UBE4A: variants seen among roughly 807,000 people sequenced by gnomAD.
UBE4A encodes ubiquitination factor E4A.
In UBE4A, 48 loss-of-function variants were observed where a neutral mutation model predicts 117.9. That is an observed-to-expected ratio of 0.41 (90% CI 0.32 to 0.52). UBE4A has a LOEUF of 0.52. UBE4A is among the 20% of genes least tolerant of loss of function. The pLI is 0.33. For synonymous variants in UBE4A, 407 were observed against 450.0 expected, an observed-to-expected ratio of 0.90 and a Z score of 1.21; for missense variants, 1,067 against 1,296.3, an observed-to-expected ratio of 0.82 and a Z score of 2.72.
At position 118,369,522 on chromosome 11, in the gene UBE4A, G is replaced by A. The variant is rs1388087322; in HGVS notation, c.395G>A (p.Ser132Asn). The A allele has an allele frequency of 1.1e-5, 17 of 1,613,644 alleles. No individual in the cohort carries two copies. Among genetic ancestry groups the A allele is most frequent in the Non-Finnish European group, 4.2e-6 (5 of 1,179,686 alleles). Residue 132 changes from serine to asparagine, a missense_variant, in exon 4 of 20, where the codon AGC (serine) becomes AAC (asparagine). Physicochemically the swap from Ser to Asn is conservative, Grantham distance 46 (BLOSUM62 1). Transcript: ENST00000252108. Reference sequence around the variant, plus strand: ...GAAGATCAAGACTGGCTTGATATGAGCAATGTTGAGCAGGTAATATTCTTA... The same window carrying A: ...GAAGATCAAGACTGGCTTGATATGAACAATGTTGAGCAGGTAATATTCTTA... Reference protein sequence around the residue: ...ELEDQDWLDMSNVEQALFARL... With the variant: ...ELEDQDWLDMNNVEQALFARL...
rs1948892143 is a variant in UBE4A, at chr11:118,398,136, A to G, written c.*1696A>G. The stretch of plus-strand genomic sequence containing the variant: ...TCTGCCTATTTGCATTTATCTTCCA[A>G]ACCCAATCTAGTAGGATGTTCTCAT... On this transcript the variant is annotated 3_prime_UTR_variant, in exon 20 of 20. Transcript: ENST00000252108. The G allele has an allele frequency of 6.6e-6, 1 of 152,596 alleles. No individual in the cohort carries two copies. Among genetic ancestry groups the G allele is most frequent in the Non-Finnish European group, 1.5e-5 (1 of 68,020 alleles). The allele number at this position is 152,596 out of a possible 1,614,324, so 9.5% of individuals were successfully genotyped here.
intron 10 of UBE4A, among the ~76,000 whole-genome samples, chr11:118,377,943 C>T (rs545835261): frequency 1.3e-5 from 2 of 149,656 alleles, no homozygotes; most frequent in African/African-American, 4.9e-5. Flanking sequence ...CATTACTACT[C>T]CTGGTGATAA....
intron 16 of UBE4A, 57 bp downstream of exon 16, chr11:118,386,669 C>T: frequency 2.7e-6 from 4 of 1,466,748 alleles, no homozygotes; most frequent in Non-Finnish European, 3.6e-6. Context: ...ATCAGCTTCA[C>T]TTGGGGGATC....
At position 118,396,532 on chromosome 11, in the gene UBE4A, TCTTC is replaced by T; in HGVS notation, c.*93_*96del. On this transcript the variant is annotated 3_prime_UTR_variant, in exon 20 of 20. Coordinates refer to ENST00000252108, the MANE Select transcript of UBE4A (RefSeq NM_001204077.2). ...TCTTTCTGGTTCTGTTCCTTTTCTT[TCTTC>T]TTTTCTTTTTCTTTTTTTTTTTTTT... The T allele has an allele frequency of 1.4e-6, 2 of 1,442,060 alleles. No homozygotes were observed. Among genetic ancestry groups the T allele is most frequent in the Non-Finnish European group, 1.8e-6 (2 of 1,085,326 alleles). 89.3% of individuals were successfully genotyped at this position (1,442,060 alleles called of 1,614,324 possible). A position where few individuals can be genotyped will look rare whatever the true frequency, so the allele number is the denominator to read the frequency against.
At position 118,396,348 on chromosome 11, in the gene UBE4A, A is replaced by G. The variant is rs1948872594; in HGVS notation, c.3109A>G (p.Thr1037Ala). The change falls in exon 20 of 20, where the codon ACC becomes GCC. Residue 1037 changes from threonine to alanine, a missense_variant. Transcript: ENST00000252108. ...AGATCCCTTTAACCGTAGTCCCCTC[A>G]CCATGGACCAGATCCGGCCAAACAC... ...QTDPFNRSPL[T>A]MDQIRPNTEL... 1 of 1,613,636 alleles carries G rather than the reference A, an allele frequency of 6.2e-7. No homozygotes were observed. Among genetic ancestry groups the G allele is most frequent in the Non-Finnish European group, 8.5e-7 (1 of 1,179,888 alleles).
chr11:118,376,763 T>G (rs1165520500), intron 10 of UBE4A, 69 bp downstream of exon 10: 1 of 1,563,490 alleles, frequency 6.4e-7, no homozygotes, highest in East Asian at 2.3e-5. Context: ...AGAAATTGAG[T>G]CTTTGGCCAG....
rs1555125909 is a variant in UBE4A, at chr11:118,379,496, T to A, written c.1622T>A (p.Val541Asp). Residue 541 changes from valine (V) to aspartate (D), a missense_variant, in exon 11 of 20, where the codon GTT (valine) becomes GAT (aspartate). Around this residue, in one of 3 missense-constraint regions of UBE4A, gnomAD observed 1,001 missense variants for 1,184.0 expected, o/e 0.85. Coordinates refer to ENST00000252108, the MANE Select transcript of UBE4A (RefSeq NM_001204077.2). ...KINQNLHRLQ[V>D]AWRDAQQSSS... The stretch of plus-strand genomic sequence containing the variant: ...AACCAAAATCTGCATCGGCTGCAGG[T>A]TGCCTGGCGGGATGCTCAGCAAAGT... The A allele has an allele frequency of 6.2e-7, 1 of 1,614,110 alleles. No individual in the cohort carries two copies.
intron 8 of UBE4A, among the ~76,000 whole-genome samples, 161 bp from the exon 9 acceptor site, chr11:118,374,735 C>G (rs1351710671): frequency 1.3e-5 from 2 of 152,208 alleles, no homozygotes; most frequent in South Asian, 2.1e-4. Flanking sequence ...CTTATAAGTG[C>G]CCAGAAATAT....
chr11:118,388,946 G>A (rs1948785907), intron 16 of UBE4A, among the ~76,000 whole-genome samples: 1 of 151,668 alleles, frequency 6.6e-6, no homozygotes, highest in African/African-American at 2.4e-5. Flanking sequence ...TGCAGCCTAG[G>A]CACCAGCAAG....
intron 4 of UBE4A, 42 bp downstream of exon 4, chr11:118,369,577 T>C (rs781312780): frequency 2.7e-6 from 4 of 1,476,366 alleles, no homozygotes; most frequent in Non-Finnish European, 2.8e-6. Context: ...TAGCAAAAAT[T>C]AGCTATGCGG....
At chr11:118,395,884 G>T (rs566727610) in intron 19 of UBE4A, among the ~76,000 whole-genome samples, 1 of 152,252 alleles carries the variant, frequency 6.6e-6, no homozygotes, top group African/African-American at 2.4e-5. Flanking sequence ...AGAGCAGCCT[G>T]GCCAACATGG....
intron 19 of UBE4A, among the ~76,000 whole-genome samples, chr11:118,395,240 A>C (rs1367203099): frequency 6.6e-6 from 1 of 151,960 alleles, no homozygotes; most frequent in South Asian, 2.1e-4. Flanking sequence ...GAGGCAGGAG[A>C]ATCCCTTGAT....
chr11:118,381,356 G>T (rs1198277954), intron 11 of UBE4A, 35 bp from the exon 12 acceptor site: 21 of 1,612,516 alleles, frequency 1.3e-5, no homozygotes, highest in Non-Finnish European at 1.8e-5. Flanking sequence ...ATATACAGAT[G>T]TTTGGCTAAT....
intron 15 of UBE4A, among the ~76,000 whole-genome samples, chr11:118,385,234 G>T (rs1024851686): frequency 6.6e-6 from 1 of 152,164 alleles, no homozygotes; most frequent in East Asian, 1.9e-4. Context: ...GTACTGGCAG[G>T]AGTAATTCAT....
chr11:118,393,015 T>C, intron 19 of UBE4A, 120 bp downstream of exon 19: 1 of 1,019,108 alleles, frequency 9.8e-7, no homozygotes, highest in South Asian at 1.8e-5. Flanking sequence ...ATTGATTTAC[T>C]GATATGTTGG....
Position 118,368,744 on chromosome 11 carries a change from T to C in UBE4A, c.235T>C (p.Cys79Arg). The C allele has an allele frequency of 6.2e-7, 1 of 1,614,214 alleles. No homozygotes were observed. The highest frequency in any genetic ancestry group is 8.5e-7 in the Non-Finnish European group (1 of 1,180,020). ...CTCATTCCGATCACAGCAGGAAATA[T>C]GTGAGCAACTCAACATCAATCACAT... ...SRSFRSQQEI[C>R]EQLNINHMIQ... Residue 79 changes from cysteine to arginine, a missense_variant, in exon 3 of 20, where the codon TGT (cysteine) becomes CGT (arginine). Coordinates refer to ENST00000252108, the MANE Select transcript of UBE4A (RefSeq NM_001204077.2).
At chr11:118,393,293 T>G (rs1948836438) in intron 19 of UBE4A, among the ~76,000 whole-genome samples, 2 of 151,932 alleles carry the variant, frequency 1.3e-5, no homozygotes, top group Non-Finnish European at 1.5e-5. Context: ...GGTGCGCACA[T>G]GTAGTCTGAG....
At chr11:118,368,836 C>G in intron 3 of UBE4A, 32 bp downstream of exon 3, 1 of 1,609,340 alleles carries the variant, frequency 6.2e-7, no homozygotes, top group Non-Finnish European at 8.5e-7. Flanking sequence ...TTATTCTACC[C>G]TTCCTATTTG....
At chr11:118,360,975 T>C (rs1565527318) in intron 1 of UBE4A, among the ~76,000 whole-genome samples, 1 of 150,536 alleles carries the variant, frequency 6.6e-6, no homozygotes, top group Non-Finnish European at 1.5e-5. Context: ...CATACATATA[T>C]GTATGTATAT....
Sources: gnomAD v4.1 joint callset for allele counts (sites outside exome capture counted in the v4.1 genomes callset) on GRCh38, gnomAD v4.1.1 for gene constraint, gnomAD v4.1.1 regional missense constraint, MANE v1.5 for transcripts, NCBI Gene and HGNC (gene_info 2026-07-23, HGNC 2026-07-21) for gene names.